MDFIC: variants seen among roughly 807,000 people sequenced by gnomAD.
MDFIC encodes the protein MyoD family inhibitor domain containing.
In MDFIC, 17 loss-of-function variants were observed where a neutral mutation model predicts 23.2. The ratio of observed to expected loss-of-function variants is 0.73; its 90% confidence interval spans 0.50 to 1.10. The LOEUF (loss-of-function observed/expected upper bound fraction) is 1.10. Among genes scored for constraint, MDFIC ranks in the 50% least tolerant of loss-of-function variants. The probability of loss-of-function intolerance (pLI) is 0.00; values close to 1 mark genes in which losing one functional copy is unlikely to be tolerated. For missense variants in MDFIC, 356 were observed against 316.6 expected, an observed-to-expected ratio of 1.12 and a Z score of -0.95; for synonymous variants, 120 against 115.2, an observed-to-expected ratio of 1.04 and a Z score of -0.27.
intron 2 of MDFIC, among the ~76,000 whole-genome samples, chr7:114,934,670 C>T (rs558208801): frequency 6.6e-6 from 1 of 152,256 alleles, no homozygotes; most frequent in African/African-American, 2.4e-5. Context: ...TTTCAGAATA[C>T]TGATAACAAT....
intron 3 of MDFIC, among the ~76,000 whole-genome samples, chr7:114,945,646 G>A (rs935182816): frequency 6.6e-6 from 1 of 152,120 alleles, no homozygotes; most frequent in African/African-American, 2.4e-5. Flanking sequence ...CGAATAAATA[G>A]GCCACACACA....
intron 3 of MDFIC, among the ~76,000 whole-genome samples, chr7:114,961,517 A>G (rs1792991647): frequency 6.6e-6 from 1 of 152,092 alleles, no homozygotes; most frequent in African/African-American, 2.4e-5. Context: ...TACTCCTTAT[A>G]TGAGTCCATT....
At chr7:115,007,199 A>G (rs1791586338) in intron 4 of MDFIC, among the ~76,000 whole-genome samples, 1 of 152,200 alleles carries the variant, frequency 6.6e-6, no homozygotes, top group African/African-American at 2.4e-5. Context: ...ATCAGAGTAA[A>G]TGGAACATAG....
At chr7:114,927,759 T>C (rs1047121014) in intron 2 of MDFIC, among the ~76,000 whole-genome samples, 1 of 152,196 alleles carries the variant, frequency 6.6e-6, no homozygotes, top group Non-Finnish European at 1.5e-5. Flanking sequence ...GCCTGGATTC[T>C]ACTTTCTCAT....
chr7:114,953,491 G>A (rs188355417), intron 3 of MDFIC, among the ~76,000 whole-genome samples: 3 of 152,282 alleles, frequency 2.0e-5, no homozygotes, highest in African/African-American at 7.2e-5. Flanking sequence ...TCTGGTCCTG[G>A]ATAGTTGATG....
chr7:114,997,464 G>T (rs1791357533), intron 4 of MDFIC, among the ~76,000 whole-genome samples: 1 of 151,562 alleles, frequency 6.6e-6, no homozygotes, highest in African/African-American at 2.4e-5. Context: ...TTTAAAGAAA[G>T]GGTCACCTGG....
intron 3 of MDFIC, 52 bp from the exon 4 acceptor site, chr7:114,979,454 A>T: frequency 6.6e-7 from 1 of 1,516,042 alleles, no homozygotes; most frequent in Admixed American, 2.1e-5. Context: ...TTATTTTAAA[A>T]TATTAATTTC....
At position 115,015,844 on chromosome 7, in the gene MDFIC, A is replaced by G. The variant is rs761314639; in HGVS notation, c.650A>G (p.Asp217Gly). 2 of 1,614,182 alleles carry G rather than the reference A, an allele frequency of 1.2e-6. No individual in the cohort carries two copies. Among genetic ancestry groups the G allele is most frequent in the Non-Finnish European group, 1.7e-6 (2 of 1,180,040 alleles). Reference sequence around the variant, plus strand: ...GGGGATGATTGTAACTGCCCTTGTGATATGGACTGTGGCATCATGGATGCC... The same window carrying G: ...GGGGATGATTGTAACTGCCCTTGTGGTATGGACTGTGGCATCATGGATGCC... ...EMGDDCNCPC[D>G]MDCGIMDACC... Residue 217 changes from aspartate (D) to glycine (G), a missense_variant, in exon 5 of 5, where the codon GAT becomes GGT. Transcript: ENST00000393486.
intron 4 of MDFIC, among the ~76,000 whole-genome samples, chr7:115,011,936 T>A (rs572280258): frequency 1.6e-4 from 25 of 152,360 alleles, no homozygotes; most frequent in Non-Finnish European, 3.1e-4. Context: ...AAAACTTTTT[T>A]ATTTCATTCT....
chr7:114,972,765 T>C (rs553285168), intron 3 of MDFIC, among the ~76,000 whole-genome samples: 6 of 152,138 alleles, frequency 3.9e-5, no homozygotes, highest in Admixed American at 6.6e-5. Flanking sequence ...TGTACAGGCA[T>C]GTGCCATCAC....
At chr7:114,989,910 A>C (rs1206106951) in intron 4 of MDFIC, among the ~76,000 whole-genome samples, 1 of 152,182 alleles carries the variant, frequency 6.6e-6, no homozygotes, top group Admixed American at 6.5e-5. Context: ...TTGGATCACA[A>C]ATTGATTAAA....
chr7:114,950,643 G>A (rs1267219123), intron 3 of MDFIC, among the ~76,000 whole-genome samples: 5 of 152,128 alleles, frequency 3.3e-5, no homozygotes, highest in Non-Finnish European at 7.4e-5. Flanking sequence ...TTCTGAGTTG[G>A]AATAGTCTCA....
intron 4 of MDFIC, among the ~76,000 whole-genome samples, chr7:115,006,551 C>T (rs1490376329): frequency 1.3e-5 from 2 of 152,010 alleles, no homozygotes; most frequent in Non-Finnish European, 2.9e-5. Flanking sequence ...GTTACTTGCA[C>T]AATGTATAAG....
chr7:114,927,942 G>T (rs1249350956), intron 2 of MDFIC, among the ~76,000 whole-genome samples: 1 of 151,426 alleles, frequency 6.6e-6, no homozygotes, highest in African/African-American at 2.4e-5. Flanking sequence ...ATAGAAATTG[G>T]TTTAAAACAC....
chr7:114,929,547 A>T (rs7777591), intron 2 of MDFIC, among the ~76,000 whole-genome samples: 123,473 of 152,160 alleles, frequency 0.81, 51,912 homozygotes, highest in Non-Finnish European at 0.92. Flanking sequence ...ATATTTTATA[A>T]GGGAGATGGT....
At chr7:114,944,074 C>T (rs375628140) in intron 3 of MDFIC, among the ~76,000 whole-genome samples, 211 of 152,266 alleles carry the variant, frequency 1.4e-3, no homozygotes, top group African/African-American at 4.6e-3. Context: ...ATTTACTCTA[C>T]GGTTTCATTG....
chr7:114,923,463 C>G, intron 2 of MDFIC: 1 of 1,537,852 alleles, frequency 6.5e-7, no homozygotes, highest in East Asian at 2.4e-5. Flanking sequence ...CTCTAGGTCT[C>G]TTCAGCAGAT....
intron 2 of MDFIC, among the ~76,000 whole-genome samples, chr7:114,937,921 A>T (rs969690684): frequency 6.6e-6 from 1 of 152,164 alleles, no homozygotes; most frequent in African/African-American, 2.4e-5. Context: ...TCCCATTATT[A>T]GTAGAATTGA....
At chr7:114,922,759 G>T in intron 1 of MDFIC, 123 bp downstream of exon 1, 1 of 1,274,880 alleles carries the variant, frequency 7.8e-7, no homozygotes. Context: ...CTGGGACCCC[G>T]CCGCTGTCAA....
Sources: allele counts gnomAD v4.1 joint callset (sites outside exome capture counted in the v4.1 genomes callset), GRCh38; gene constraint gnomAD v4.1.1; transcripts MANE v1.5; gene names NCBI Gene and HGNC (gene_info 2026-07-23, HGNC 2026-07-21).